The following HOGA1 variants were observed in gnomAD, a reference collection of about 807,000 sequenced individuals.
HOGA1 encodes the protein 4-hydroxy-2-oxoglutarate aldolase, mitochondrial.
A neutral mutation model predicts 34.3 loss-of-function variants in HOGA1; 30 were observed. That is an observed-to-expected ratio of 0.87 (90% CI 0.65 to 1.19). HOGA1 has a LOEUF of 1.19. Ranked by LOEUF, HOGA1 falls within the 50% of genes most tolerant of loss-of-function variation. The probability of loss-of-function intolerance (pLI) is 0.00; values close to 1 mark genes in which losing one functional copy is unlikely to be tolerated. For missense variants in HOGA1, 417 were observed against 436.5 expected, an observed-to-expected ratio of 0.96 and a Z score of 0.40; for synonymous variants, 161 against 174.0, an observed-to-expected ratio of 0.93 and a Z score of 0.59.
chr10:97,601,703 C>T (rs1564759788), intron 5 of HOGA1, among the ~76,000 whole-genome samples, 154 bp from the exon 6 acceptor site: 3 of 152,220 alleles, frequency 2.0e-5, no homozygotes, highest in Admixed American at 2.0e-4. Context: ...GAAATGTATA[C>T]TCTGGACTCA....
intron 6 of HOGA1, among the ~76,000 whole-genome samples, chr10:97,608,269 C>A (rs186854592): frequency 6.6e-6 from 1 of 152,048 alleles, no homozygotes; most frequent in Non-Finnish European, 1.5e-5. Flanking sequence ...TACGATCATG[C>A]CACTTCACTC....
At chr10:97,602,204 G>T (rs981827515) in intron 6 of HOGA1, 8 of 1,535,048 alleles carry the variant, frequency 5.2e-6, no homozygotes, top group Non-Finnish European at 7.0e-6. Flanking sequence ...ACTTAAGTGT[G>T]CATTAAAATT....
intron 1 of HOGA1, among the ~76,000 whole-genome samples, chr10:97,589,185 T>C (rs1366114393): frequency 6.6e-6 from 1 of 152,054 alleles, no homozygotes; most frequent in East Asian, 1.9e-4. Context: ...CTCATGTTAG[T>C]TACTCCAGAA....
chr10:97,590,466 T>C (rs768239290), intron 1 of HOGA1: 1 of 1,613,632 alleles, frequency 6.2e-7, no homozygotes. Flanking sequence ...GAAAACACCA[T>C]AGCTGGTGCC....
At chr10:97,591,932 G>A (rs979528173) in intron 1 of HOGA1, among the ~76,000 whole-genome samples, 1 of 149,892 alleles carries the variant, frequency 6.7e-6, no homozygotes, top group Admixed American at 6.7e-5. Context: ...TCTGCCTCCC[G>A]GGTTCATGCG....
chr10:97,598,915 T>A lies in HOGA1; in HGVS notation c.340+12T>A, dbSNP rs1194724686. 1 of 1,613,642 alleles carries A rather than the reference T, an allele frequency of 6.2e-7. No homozygotes were observed. Among genetic ancestry groups the A allele is most frequent in the Non-Finnish European group, 8.5e-7 (1 of 1,180,014 alleles). ...CTCCGGATGCGAGTGTGAGCCAGAA[T>A]GCCCTGGGCCCTGGGGGTGGGTGGA... On this transcript the variant is annotated intron_variant, in intron 2 of 6. Transcript: ENST00000370646.
rs2041045043 is a variant in HOGA1 at position 97,593,493 on chromosome 10, A to T, written c.212-5282A>T. On this transcript the variant is annotated intron_variant, in intron 1 of 6. Coordinates refer to ENST00000370646, the MANE Select transcript of HOGA1 (RefSeq NM_138413.4). ...CTCTGTCTCAAAAAAAACATAAAAA[A>T]GAAAAAAATAAATAAAGTTCATCAC... Among the ~76,000 whole-genome samples the T allele has an allele frequency of 2.0e-5, 3 of 152,162 alleles. No homozygotes were observed. The South Asian group carries it at 6.2e-4, about 32-fold the overall frequency.
chr10:97,602,017 C>T, intron 6 of HOGA1, 27 bp downstream of exon 6: 1 of 1,598,334 alleles, frequency 6.3e-7, no homozygotes, highest in Non-Finnish European at 8.5e-7. Flanking sequence ...GGGGGCGCGG[C>T]CTGGCGGGGG....
intron 5 of HOGA1, 137 bp from the exon 6 acceptor site, chr10:97,601,720 A>C: frequency 1.0e-6 from 1 of 963,664 alleles, no homozygotes; most frequent in South Asian, 1.4e-5. Context: ...CTCACAGAGC[A>C]TGCCTTTGAT....
chr10:97,594,878 A>G (rs1282724860), intron 1 of HOGA1, among the ~76,000 whole-genome samples: 1 of 152,160 alleles, frequency 6.6e-6, no homozygotes, highest in Non-Finnish European at 1.5e-5. Context: ...GAAGAGTTCT[A>G]GGGACCTTTG....
chr10:97,585,113 C>T (rs1411330079), intron 1 of HOGA1, among the ~76,000 whole-genome samples, 199 bp downstream of exon 1: 1 of 152,200 alleles, frequency 6.6e-6, no homozygotes, highest in Admixed American at 6.5e-5. Context: ...GGCCTGTAAC[C>T]TTAAGCTAAA....
At chr10:97,600,444 T>C in intron 5 of HOGA1, 1 of 514,050 alleles carries the variant, frequency 1.9e-6, no homozygotes, top group Non-Finnish European at 3.5e-6. Context: ...CATGATTAGA[T>C]GACAAACTTA....
In HOGA1 at chr10:97,598,159, AG is replaced by A. The variant is rs367909551; in HGVS notation, c.212-614del. Among the ~76,000 whole-genome samples the A allele has an allele frequency of 3.0e-3, 453 of 152,334 alleles. 3 individuals are homozygous for A. Among genetic ancestry groups the A allele is most frequent in the African/African-American group, 0.01 (422 of 41,580 alleles). On this transcript the variant is annotated intron_variant, in intron 1 of 6. Coordinates refer to ENST00000370646, the MANE Select transcript of HOGA1 (RefSeq NM_138413.4). ...TTTTTCTTTTTTGGTAGAGACAGGT[AG>A]GCCATTTTTTGGTAGAGACAGGCAG...
chr10:97,590,408 C>G lies in HOGA1; in HGVS notation c.211+5494C>G, dbSNP rs755178647. On this transcript the variant is annotated intron_variant, in intron 1 of 6. Coordinates refer to ENST00000370646, the MANE Select transcript of HOGA1 (RefSeq NM_138413.4). ...CATCAACCAGGAGGAGCTGAGGGCC[C>G]TCGAGGAGGTAGAGATGAAGCTGCA... 4 of 1,614,160 alleles carry G rather than the reference C, an allele frequency of 2.5e-6. No individual in the cohort carries two copies. In the Admixed American group the frequency reaches 6.7e-5, roughly 27 times the overall value.
chr10:97,610,412 G>A (rs985611933), intron 6 of HOGA1, among the ~76,000 whole-genome samples: 6 of 152,180 alleles, frequency 3.9e-5, no homozygotes, highest in South Asian at 2.1e-4. Flanking sequence ...AGGCTACAGT[G>A]AGCCATGATC....
At chr10:97,590,715 T>C in intron 1 of HOGA1, 1 of 735,934 alleles carries the variant, frequency 1.4e-6, no homozygotes, top group Non-Finnish European at 2.3e-6. Flanking sequence ...CCCTACTTTC[T>C]TAGGCTCCTC....
chr10:97,592,573 G>A (rs2041035623), intron 1 of HOGA1, among the ~76,000 whole-genome samples: 1 of 151,782 alleles, frequency 6.6e-6, no homozygotes, highest in South Asian at 2.1e-4. Flanking sequence ...AAACTTTTCT[G>A]TAAATCTAAA....
rs770760973 is a variant in HOGA1, at chr10:97,601,996, C to T, written c.834+6C>T. ...TCATTGAGCCAAACGCTGCGGTGAGCCAGTGGCAGCGGGGGCGCGGCCTGG... is the reference window on the plus strand; with the variant it reads ...TCATTGAGCCAAACGCTGCGGTGAGTCAGTGGCAGCGGGGGCGCGGCCTGG... On this transcript the variant is annotated splice_donor_region_variant and intron_variant, in intron 6 of 6. Coordinates refer to ENST00000370646, the MANE Select transcript of HOGA1 (RefSeq NM_138413.4). The T allele has an allele frequency of 3.7e-6, 6 of 1,609,804 alleles. No homozygotes were observed. The highest frequency in any genetic ancestry group is 3.4e-5 in the Admixed American group (2 of 59,384).
At chr10:97,611,038 G>A (rs2041191438) in intron 6 of HOGA1, among the ~76,000 whole-genome samples, 1 of 152,170 alleles carries the variant, frequency 6.6e-6, no homozygotes, top group Admixed American at 6.5e-5. Context: ...GCTATGGGGA[G>A]GTGAGGGCAG....
Sources: gnomAD v4.1 joint callset for allele counts (sites outside exome capture counted in the v4.1 genomes callset) on GRCh38, gnomAD v4.1.1 for gene constraint, MANE v1.5 for transcripts, NCBI Gene and HGNC (gene_info 2026-07-23, HGNC 2026-07-21) for gene names.